SORCS3: variants seen among roughly 807,000 people sequenced by gnomAD.
SORCS3 encodes the protein sortilin related VPS10 domain containing receptor 3, also known as VPS10 domain-containing receptor SorCS3.
A neutral mutation model predicts 146.3 loss-of-function variants in SORCS3; 57 were observed. That is an observed-to-expected ratio of 0.39 (90% CI 0.31 to 0.49). The LOEUF is 0.49. Ranked by LOEUF, SORCS3 falls within the 20% of genes least tolerant of loss-of-function variation. The probability of loss-of-function intolerance (pLI) is 0.92; values close to 1 mark genes in which losing one functional copy is unlikely to be tolerated. For synonymous variants in SORCS3, 653 were observed against 618.5 expected, an observed-to-expected ratio of 1.06 and a Z score of -0.83; for missense variants, 1,341 against 1,575.5, an observed-to-expected ratio of 0.85 and a Z score of 2.52.
At chr10:105,002,277 G>A (rs565246650) in intron 4 of SORCS3, among the ~76,000 whole-genome samples, 7 of 152,250 alleles carry the variant, frequency 4.6e-5, no homozygotes, top group African/African-American at 7.2e-5. Context: ...ATATGAAGCC[G>A]TTTCTCAACC....
chr10:104,766,057 T>C (rs1191722364), intron 1 of SORCS3, among the ~76,000 whole-genome samples: 2 of 152,228 alleles, frequency 1.3e-5, no homozygotes, highest in Non-Finnish European at 2.9e-5. Context: ...TTCTGGACTT[T>C]CTTGAAACAA....
chr10:105,175,707 A>G (rs528493090), intron 13 of SORCS3, among the ~76,000 whole-genome samples: 67 of 152,338 alleles, frequency 4.4e-4, no homozygotes, highest in African/African-American at 1.6e-3. Flanking sequence ...GCTAGTTTAA[A>G]TGATTATTTA....
intron 20 of SORCS3, among the ~76,000 whole-genome samples, chr10:105,236,422 T>C (rs1371341616): frequency 2.0e-5 from 3 of 152,092 alleles, no homozygotes; most frequent in African/African-American, 7.2e-5. Flanking sequence ...AAGAGAAAAT[T>C]GTTTAGGGAG....
intron 1 of SORCS3, among the ~76,000 whole-genome samples, chr10:104,689,942 A>G (rs193268193): frequency 1.1e-3 from 173 of 152,304 alleles, no homozygotes; most frequent in Non-Finnish European, 2.3e-3. Context: ...TCCATTGTGT[A>G]GCATCATCAG....
At chr10:104,720,870 A>G (rs2016539525) in intron 1 of SORCS3, among the ~76,000 whole-genome samples, 1 of 152,090 alleles carries the variant, frequency 6.6e-6, no homozygotes, top group South Asian at 2.1e-4. Context: ...TAGATTCTGG[A>G]TATTAGCCCT....
At chr10:104,736,697 C>A (rs559906511) in intron 1 of SORCS3, among the ~76,000 whole-genome samples, 9 of 151,732 alleles carry the variant, frequency 5.9e-5, no homozygotes, top group South Asian at 2.1e-4. Flanking sequence ...AGCAGGTGAA[C>A]CTTTTCTTTT....
chr10:105,120,495 G>A (rs1385482527), intron 7 of SORCS3, among the ~76,000 whole-genome samples: 1 of 152,070 alleles, frequency 6.6e-6, no homozygotes, highest in Non-Finnish European at 1.5e-5. Context: ...CAGAGACTGG[G>A]AGGCTCTAGC....
intron 20 of SORCS3, among the ~76,000 whole-genome samples, chr10:105,235,769 T>C (rs2056790114): frequency 6.6e-6 from 1 of 152,016 alleles, no homozygotes; most frequent in Non-Finnish European, 1.5e-5. Context: ...TTTCATGGGT[T>C]AAGTTTCTAG....
intron 20 of SORCS3, among the ~76,000 whole-genome samples, chr10:105,230,464 G>C (rs540975636): frequency 1.3e-5 from 2 of 152,084 alleles, no homozygotes; most frequent in African/African-American, 4.8e-5. Context: ...TCTTAGCCTA[G>C]GTGGCAGAAG....
chr10:104,757,236 T>C (rs959694783), intron 1 of SORCS3, among the ~76,000 whole-genome samples: 1 of 152,190 alleles, frequency 6.6e-6, no homozygotes. Context: ...CATAATTGTA[T>C]GCAGTTAACA....
intron 4 of SORCS3, among the ~76,000 whole-genome samples, chr10:105,039,807 C>T (rs1041299037): frequency 3.9e-5 from 6 of 152,092 alleles, no homozygotes; most frequent in African/African-American, 1.4e-4. Flanking sequence ...CCATGCTGCT[C>T]TCAAGGGTGA....
intron 20 of SORCS3, among the ~76,000 whole-genome samples, chr10:105,245,061 T>C (rs2056857570): frequency 8.3e-6 from 1 of 120,366 alleles, no homozygotes; most frequent in Non-Finnish European, 1.7e-5. Flanking sequence ...AGAGCAAGAC[T>C]CTGTCAAAAA....
Position 104,643,709 on chromosome 10 carries a change from G to GGTGTGTGTGTGTGTGTGTGT in SORCS3, c.627+1772_627+1791dup, listed in dbSNP as rs3069967. Among the ~76,000 whole-genome samples, 12 of 144,638 alleles carry GGTGTGTGTGTGTGTGTGTGT rather than the reference G, an allele frequency of 8.3e-5. 1 individual carries two copies. Among genetic ancestry groups the GGTGTGTGTGTGTGTGTGTGT allele is most frequent in the African/African-American group, 3.1e-4 (12 of 38,140 alleles). 94.9% of individuals were successfully genotyped at this position (144,638 alleles called of 152,430 possible). On this transcript the variant is annotated intron_variant, in intron 1 of 26. Transcript: ENST00000369701. ...AACTTCATTTTAGTTTGATAATTAG[G>GGTGTGTGTGTGTGTGTGTGT]GTGTGTGTGTGTGTGTGTGTGTGTG...
intron 1 of SORCS3, among the ~76,000 whole-genome samples, chr10:104,751,748 T>C (rs2016985747): frequency 2.0e-5 from 3 of 151,588 alleles, no homozygotes; most frequent in South Asian, 2.1e-4. Flanking sequence ...GGTGCATTTA[T>C]AGCTCTGTGT....
chr10:104,884,525 G>T (rs907743552), intron 2 of SORCS3, among the ~76,000 whole-genome samples: 3 of 152,174 alleles, frequency 2.0e-5, no homozygotes, highest in African/African-American at 7.2e-5. Context: ...ACCATGGGGA[G>T]CTATTGAAGG....
chr10:104,761,487 C>A (rs573969839), intron 1 of SORCS3, among the ~76,000 whole-genome samples: 72 of 152,226 alleles, frequency 4.7e-4, no homozygotes, highest in Admixed American at 2.3e-3. Context: ...CTATCTTTGA[C>A]CTTTCATGGG....
At chr10:105,005,691 C>T (rs1039059412) in intron 4 of SORCS3, among the ~76,000 whole-genome samples, 1 of 152,176 alleles carries the variant, frequency 6.6e-6, no homozygotes, top group Non-Finnish European at 1.5e-5. Context: ...CCCTTGAGCA[C>T]AGTTCTCAGA....
intron 4 of SORCS3, among the ~76,000 whole-genome samples, chr10:104,987,031 T>C (rs1320645013): frequency 1.3e-5 from 2 of 152,144 alleles, no homozygotes; most frequent in African/African-American, 2.4e-5. Flanking sequence ...AACCCCAATA[T>C]CTGTGAAGCA....
intron 20 of SORCS3, among the ~76,000 whole-genome samples, chr10:105,230,000 T>C (rs914801056): frequency 2.6e-5 from 4 of 152,098 alleles, no homozygotes; most frequent in Admixed American, 6.5e-5. Flanking sequence ...AATGGGTTAG[T>C]GGTTTAGTCT....
Sources: allele counts gnomAD v4.1 joint callset (sites outside exome capture counted in the v4.1 genomes callset), GRCh38; gene constraint gnomAD v4.1.1; transcripts MANE v1.5; gene names NCBI Gene and HGNC (gene_info 2026-07-23, HGNC 2026-07-21).